RABGAP1L: variants seen among roughly 807,000 people sequenced by gnomAD.
The protein encoded by RABGAP1L is rab GTPase-activating protein 1-like.
Under a neutral mutation model 137.7 loss-of-function variants are expected in RABGAP1L, and 63 were observed. That is an observed-to-expected ratio of 0.46 (90% CI 0.37 to 0.56). The LOEUF is 0.56. Among genes scored for constraint, RABGAP1L ranks in the 20% least tolerant of loss-of-function variants. The pLI is 0.00. For missense variants in RABGAP1L, 1,095 were observed against 1,244.0 expected (o/e 0.88, Z 1.80); for synonymous variants, 431 against 433.7 (o/e 0.99, Z 0.08).
intron 25 of RABGAP1L, 53 bp from the exon 26 acceptor site, chr1:174,989,796 T>C: frequency 6.6e-7 from 1 of 1,520,374 alleles, no homozygotes; most frequent in Non-Finnish European, 8.9e-7. Context: ...TATTTATTTA[T>C]TGGCAAAGAG....
At chr1:174,353,403 C>G (rs953586114) in intron 11 of RABGAP1L, among the ~76,000 whole-genome samples, 2 of 152,146 alleles carry the variant, frequency 1.3e-5, no homozygotes, top group Admixed American at 1.3e-4. Flanking sequence ...GCTGCCCTAC[C>G]TAGTGTCTAT....
chr1:174,475,471 A>G (rs1248250518), intron 13 of RABGAP1L, among the ~76,000 whole-genome samples: 3 of 152,178 alleles, frequency 2.0e-5, no homozygotes, highest in South Asian at 4.1e-4. Context: ...CAGGGACACA[A>G]TATTTTTAAA....
chr1:174,877,496 T>C lies in RABGAP1L; in HGVS notation c.2340+65536T>C, dbSNP rs1558180000. Reference sequence around the variant, plus strand: ...GCTGTGGAAAGGCCAGCTGGCAAGATGATGGAAGAAATCTCCATTATGGTA... The same window carrying C: ...GCTGTGGAAAGGCCAGCTGGCAAGACGATGGAAGAAATCTCCATTATGGTA... On this transcript the variant is annotated intron_variant, in intron 19 of 25. Coordinates refer to ENST00000681986, the MANE Select transcript of RABGAP1L (RefSeq NM_001366446.1). The C allele has an allele frequency of 2.5e-6, 4 of 1,614,050 alleles. No homozygotes were observed. In the African/African-American group the frequency reaches 5.3e-5, roughly 22 times the overall value.
chr1:174,404,772 C>T (rs1649063572), intron 13 of RABGAP1L, among the ~76,000 whole-genome samples: 1 of 152,040 alleles, frequency 6.6e-6, no homozygotes, highest in Non-Finnish European at 1.5e-5. Flanking sequence ...TTATAAACTC[C>T]AGAGAGCATT....
chr1:174,502,632 ATG>A (rs1302595499), intron 13 of RABGAP1L, among the ~76,000 whole-genome samples: 4 of 137,150 alleles, frequency 2.9e-5, no homozygotes, highest in African/African-American at 1.1e-4. Context: ...GTACATATAT[ATG>A]TGTGTATATA....
rs142800417 is a variant in RABGAP1L, at chr1:174,909,809, A to T, written c.2341-47648A>T. Among the ~76,000 whole-genome samples, 542 of 152,268 alleles carry T rather than the reference A, an allele frequency of 3.6e-3. 4 individuals carry two copies. Among genetic ancestry groups the T allele is most frequent in the African/African-American group, 0.011 (463 of 41,556 alleles). On this transcript the variant is annotated intron_variant, in intron 19 of 25. Coordinates refer to ENST00000681986, the MANE Select transcript of RABGAP1L (RefSeq NM_001366446.1). ...AACACATACAACCTACCAAGACTGA[A>T]CCATAAGAAATAGAAAACTTCAACA...
intron 13 of RABGAP1L, among the ~76,000 whole-genome samples, chr1:174,586,702 AT>A (rs1369550204): frequency 8.5e-5 from 13 of 152,064 alleles, no homozygotes; most frequent in African/African-American, 2.9e-4. Flanking sequence ...AGTTCAAGCA[AT>A]TCTCCTGCCT....
chr1:174,633,340 C>T (rs1224769794), intron 13 of RABGAP1L, among the ~76,000 whole-genome samples: 13 of 145,770 alleles, frequency 8.9e-5, no homozygotes, highest in African/African-American at 2.9e-4. Context: ...TGTGAAGGAC[C>T]TCTTCAAGGA....
At chr1:174,364,437 G>A (rs1684436549) in intron 11 of RABGAP1L, among the ~76,000 whole-genome samples, 1 of 149,908 alleles carries the variant, frequency 6.7e-6, no homozygotes. Context: ...TGTATTTTTA[G>A]TAGAGACGGG....
intron 3 of RABGAP1L, 136 bp downstream of exon 3, chr1:174,221,300 A>G (rs1669737729): frequency 1.5e-6 from 1 of 689,494 alleles, no homozygotes; most frequent in Non-Finnish European, 2.3e-6. Context: ...CTTCGGTGTT[A>G]TGTTTCTGCC....
intron 13 of RABGAP1L, among the ~76,000 whole-genome samples, chr1:174,463,333 T>TA (rs1046264764): frequency 5.3e-5 from 8 of 152,038 alleles, no homozygotes; most frequent in African/African-American, 1.9e-4. Context: ...TATGCAGCCA[T>TA]AAAAAATGAT....
intron 10 of RABGAP1L, among the ~76,000 whole-genome samples, chr1:174,300,670 T>G (rs1426885297): frequency 6.6e-6 from 1 of 152,004 alleles, no homozygotes; most frequent in African/African-American, 2.4e-5. Flanking sequence ...CCTAGCACTT[T>G]GGGAGGCCAA....
In RABGAP1L at chr1:174,416,037, C is replaced by T. The variant is rs12072385; in HGVS notation, c.1710+21892C>T. Among the ~76,000 whole-genome samples the T allele has an allele frequency of 2.6e-3, 327 of 125,848 alleles. 30 individuals carry two copies. Among genetic ancestry groups the T allele is most frequent in the African/African-American group, 9.6e-3 (260 of 26,986 alleles). The allele number at this position is 125,848 out of a possible 152,430, so 82.6% of individuals were successfully genotyped here. Reference sequence around the variant, plus strand: ...AAATTTACATATATATATATATATACACACACATTTTTTTTTTCCTGTTTG... The same window carrying T: ...AAATTTACATATATATATATATATATACACACATTTTTTTTTTCCTGTTTG... On this transcript the variant is annotated intron_variant, in intron 13 of 25. Transcript: ENST00000681986.
intron 24 of RABGAP1L, among the ~76,000 whole-genome samples, chr1:174,984,616 C>T (rs1313324900): frequency 6.6e-6 from 1 of 152,142 alleles, no homozygotes; most frequent in Non-Finnish European, 1.5e-5. Flanking sequence ...GTGGCTCACA[C>T]CTGTAATCTC....
At chr1:174,252,680 C>T (rs977002641) in intron 7 of RABGAP1L, 90 bp downstream of exon 7, 1 of 1,494,810 alleles carries the variant, frequency 6.7e-7, no homozygotes, top group South Asian at 1.3e-5. Context: ...TTTCACTATA[C>T]TTCATTTTCT....
intron 18 of RABGAP1L, among the ~76,000 whole-genome samples, chr1:174,777,374 A>G (rs1230388269): frequency 1.5e-4 from 23 of 152,308 alleles, no homozygotes; most frequent in South Asian, 4.1e-4. Context: ...GGTGGCTGTC[A>G]TGTGCATTAC....
chr1:174,563,003 TA>T (rs147297857), intron 13 of RABGAP1L, among the ~76,000 whole-genome samples: 1 of 152,018 alleles, frequency 6.6e-6, no homozygotes. Flanking sequence ...TAAAGTATAA[TA>T]AAAAAAGAAA....
In RABGAP1L at chr1:174,934,364, G is replaced by A. The variant is rs566058276; in HGVS notation, c.2341-23093G>A. 6.6e-5 allele frequency among the ~76,000 whole-genome samples: 10 copies of A among 152,262 alleles called. No individual in the cohort carries two copies. In the South Asian group the frequency reaches 2.1e-3, roughly 32 times the overall value. ...CGGCCTCCCAGGTGCTGGGATTACA[G>A]GCATGAGCCACCACGCCCGGCCGAA... On this transcript the variant is annotated intron_variant, in intron 19 of 25. Transcript: ENST00000681986.
intron 11 of RABGAP1L, among the ~76,000 whole-genome samples, chr1:174,358,721 C>T (rs1265034560): frequency 6.6e-6 from 1 of 152,202 alleles, no homozygotes; most frequent in East Asian, 1.9e-4. Context: ...CATGTCTGCA[C>T]ACAAATGCTT....
Sources: gnomAD v4.1 joint callset for allele counts (sites outside exome capture counted in the v4.1 genomes callset) on GRCh38, gnomAD v4.1.1 for gene constraint, MANE v1.5 for transcripts, NCBI Gene and HGNC (gene_info 2026-07-23, HGNC 2026-07-21) for gene names.